The following ZNF519 variants were observed in gnomAD, a reference collection of about 807,000 sequenced individuals.
ZNF519 encodes zinc finger protein 519, also known as similar to Zinc finger protein 85 (Zinc finger protein HPF4) (HTF1).
ZNF519 carries 7 observed loss-of-function variants against 7.4 expected under a neutral mutation model. The observed-to-expected ratio is 0.94, with a 90% confidence interval of 0.54 to 1.77. The LOEUF is 1.77. ZNF519 is among the 40% of genes most tolerant of loss of function. The pLI, the probability that ZNF519 is intolerant of heterozygous loss-of-function variation, is 0.00. For synonymous variants in ZNF519, 179 were observed against 203.3 expected, an observed-to-expected ratio of 0.88 and a Z score of 1.02; for missense variants, 586 against 623.1, an observed-to-expected ratio of 0.94 and a Z score of 0.63.
chr18:14,105,880 T>C lies in ZNF519; in HGVS notation c.660A>G (p.Pro220=). The C allele has an allele frequency of 1.9e-6, 3 of 1,604,500 alleles. No homozygotes were observed. The highest frequency in any genetic ancestry group is 1.7e-6 in the Non-Finnish European group (2 of 1,177,620). The stretch of plus-strand genomic sequence containing the variant: ...TTTGATGTTGAGTAAGCTTTGAGAA[T>C]GGGTCAGAAGTTTCACCACATTCAT... The part of the protein sequence containing the change: ...NSNECGETSD[P]FSKLTQHQRI... Residue 220 remains proline (P), a synonymous_variant, in exon 3 of 3, where the codon CCA becomes CCG. Coordinates refer to ENST00000590202, the MANE Select transcript of ZNF519 (RefSeq NM_145287.4).
downstream of ZNF519, chr18:14,075,479 G>A (rs578092477): frequency 2.0e-5 from 3 of 152,282 alleles, no homozygotes; most frequent in South Asian, 6.2e-4. Context: ...TGCCCACTTT[G>A]TGAACATAGA....
In ZNF519 at chr18:14,104,906, T is replaced by C. The variant is rs764168794; in HGVS notation, c.*11A>G. The C allele has an allele frequency of 2.6e-6, 4 of 1,523,196 alleles. No homozygotes were observed. The Admixed American group carries it at 8.6e-5, about 33-fold the overall frequency. The allele number at this position is 1,523,196 out of a possible 1,614,324, so 94.4% of individuals were successfully genotyped here. On this transcript the variant is annotated 3_prime_UTR_variant, in exon 3 of 3. Coordinates refer to ENST00000590202, the MANE Select transcript of ZNF519 (RefSeq NM_145287.4). ...TAGGGTTTTAGCACATTCTTTACAC[T>C]TGCAGGGTTTCTACCTGGTATGAAT... is the stretch of plus-strand genomic sequence containing the variant.
At chr18:14,116,200 CTTT>C (rs1418888626) in intron 2 of ZNF519, among the ~76,000 whole-genome samples, 1 of 152,004 alleles carries the variant, frequency 6.6e-6, no homozygotes, top group African/African-American at 2.4e-5. Context: ...AGATACTCTT[CTTT>C]AAGTGTCAGG....
chr18:14,111,551 G>GA (rs1440312626), intron 2 of ZNF519, among the ~76,000 whole-genome samples: 1 of 145,426 alleles, frequency 6.9e-6, no homozygotes, highest in Admixed American at 6.8e-5. Flanking sequence ...AAAGAAAAAA[G>GA]AAAAAAAGAC....
downstream of ZNF519, among the ~76,000 whole-genome samples, chr18:14,098,424 T>C (rs182628643): frequency 6.6e-5 from 10 of 152,264 alleles, no homozygotes; most frequent in African/African-American, 2.2e-4. Context: ...CCTCCCAAAG[T>C]GCTGGGATTA....
chr18:14,093,585 T>C (rs981407717), intron 2 of ZNF519, among the ~76,000 whole-genome samples: 6 of 152,258 alleles, frequency 3.9e-5, no homozygotes, highest in Non-Finnish European at 2.9e-5. Context: ...AAGAGTTTAA[T>C]TGAGCAAAGA....
chr18:14,083,672 G>T (rs1261602941), intron 3 of ZNF519, among the ~76,000 whole-genome samples: 1 of 152,146 alleles, frequency 6.6e-6, no homozygotes. Context: ...CACTTTGGGA[G>T]CATGAGGCGG....
chr18:14,109,338 C>A (rs1358210050), intron 2 of ZNF519, among the ~76,000 whole-genome samples: 1 of 151,952 alleles, frequency 6.6e-6, no homozygotes, highest in African/African-American at 2.4e-5. Context: ...AAATATCAGG[C>A]CTAATCTGTG....
chr18:14,115,237 G>C (rs2046240508), intron 2 of ZNF519, among the ~76,000 whole-genome samples: 1 of 152,186 alleles, frequency 6.6e-6, no homozygotes, highest in Non-Finnish European at 1.5e-5. Context: ...CCAACTCTAT[G>C]TTTCTTCCTC....
intron 2 of ZNF519, chr18:14,089,998 C>G (rs537927486): frequency 1.3e-5 from 2 of 152,262 alleles, no homozygotes; most frequent in Non-Finnish European, 2.9e-5. Flanking sequence ...AGAGCTGAGG[C>G]CTGGGCTGAC....
At position 14,104,919 on chromosome 18, in the gene ZNF519, A is replaced by G. The variant is rs774571778; in HGVS notation, c.1621T>C (p.Ter541GlnextTer22). Residue 541 changes from the stop codon to glutamine, a stop_lost, in exon 3 of 3, where the codon TAG (stop) becomes CAG (glutamine). Transcript: ENST00000590202. ...CATTCTTTACACTTGCAGGGTTTCTACCTGGTATGAATTATTTGATGTTGA... is the reference window on the plus strand; with the variant it reads ...CATTCTTTACACTTGCAGGGTTTCTGCCTGGTATGAATTATTTGATGTTGA... ...LTQHQIIHTR[*>Q] is the part of the protein sequence containing the mutation. 1 of 1,538,120 alleles carries G rather than the reference A, an allele frequency of 6.5e-7. No homozygotes were observed. The highest frequency in any genetic ancestry group is 8.7e-7 in the Non-Finnish European group (1 of 1,146,746).
Position 14,124,457 on chromosome 18 carries a change from T to C in ZNF519, c.23A>G (p.Asp8Gly), listed in dbSNP as rs796288460. Reference sequence around the variant, plus strand: ...TTCTGGAGAGAATTCTATGGCCACATCCCTGAATGTTAAGAGTTCCTGGAA... The same window carrying C: ...TTCTGGAGAGAATTCTATGGCCACACCCCTGAATGTTAAGAGTTCCTGGAA... MELLTFR[D>G]VAIEFSPEEW... is the part of the protein sequence containing the mutation. The change falls in exon 2 of 3, where the codon GAT becomes GGT. Residue 8 changes from aspartate to glycine, a missense_variant. Coordinates refer to ENST00000590202, the MANE Select transcript of ZNF519 (RefSeq NM_145287.4). 8 of 1,611,116 alleles carry C rather than the reference T, an allele frequency of 5.0e-6. No individual in the cohort carries two copies. The African/African-American group carries it at 1.1e-4, about 22-fold the overall frequency.
intron 2 of ZNF519, among the ~76,000 whole-genome samples, chr18:14,117,921 T>A (rs949479705): frequency 1.3e-5 from 2 of 152,024 alleles, no homozygotes; most frequent in Non-Finnish European, 2.9e-5. Flanking sequence ...ACCTCCAACA[T>A]TAGAAACTGC....
At chr18:14,111,162 T>C (rs1387274219) in intron 2 of ZNF519, among the ~76,000 whole-genome samples, 4 of 140,734 alleles carry the variant, frequency 2.8e-5, no homozygotes, top group Non-Finnish European at 6.2e-5. Flanking sequence ...AATGCAAAGT[T>C]GTTTTCTAAA....
At chr18:14,095,679 C>T (rs1408835907), downstream of ZNF519, among the ~76,000 whole-genome samples, 5 of 152,190 alleles carry the variant, frequency 3.3e-5, no homozygotes, top group East Asian at 9.6e-4. Context: ...CCTGGGGTCA[C>T]GAACCATCAG....
intron 2 of ZNF519, among the ~76,000 whole-genome samples, chr18:14,111,368 C>T (rs796786847): frequency 1.3e-5 from 2 of 150,740 alleles, no homozygotes; most frequent in African/African-American, 4.9e-5. Flanking sequence ...TAGCTGGGCA[C>T]GGTGGCAGGC....
intron 2 of ZNF519, among the ~76,000 whole-genome samples, chr18:14,114,715 T>A (rs1232675108): frequency 6.6e-6 from 1 of 152,268 alleles, no homozygotes; most frequent in East Asian, 1.9e-4. Flanking sequence ...ATAATTAGAA[T>A]AAGATTTAGT....
downstream of ZNF519, chr18:14,075,958 T>C (rs1214103257): frequency 1.3e-5 from 2 of 152,090 alleles, no homozygotes; most frequent in Admixed American, 1.3e-4. Flanking sequence ...GTGAGTACTA[T>C]ATTCATATTT....
Position 14,106,375 on chromosome 18 carries a change from T to C in ZNF519, c.165A>G (p.Pro55=). ...VYSYYNQGIL[P]EQGIQDSFKK... ...TGAATGAATCTTGTATGCCTTGCTCTGGTAAAATGCCTTGGTTGTAATAAG... is the reference window on the plus strand; with the variant it reads ...TGAATGAATCTTGTATGCCTTGCTCCGGTAAAATGCCTTGGTTGTAATAAG... Residue 55 remains proline, a synonymous_variant, in exon 3 of 3, where the codon CCA becomes CCG. Coordinates refer to ENST00000590202, the MANE Select transcript of ZNF519 (RefSeq NM_145287.4). 6.2e-7 allele frequency: 1 copy of C among 1,604,688 alleles called. No individual in the cohort carries two copies. Among genetic ancestry groups the C allele is most frequent in the Non-Finnish European group, 8.5e-7 (1 of 1,177,002 alleles).
Sources: allele counts gnomAD v4.1 joint callset (sites outside exome capture counted in the v4.1 genomes callset), GRCh38; gene constraint gnomAD v4.1.1; transcripts MANE v1.5; gene names NCBI Gene and HGNC (gene_info 2026-07-23, HGNC 2026-07-21).